Variants in DLG2 observed in about 807,000 individuals in gnomAD.
DLG2 encodes disks large homolog 2.
DLG2 carries 45 observed loss-of-function variants against 132.5 expected under a neutral mutation model. That is an observed-to-expected ratio of 0.34 (90% CI 0.27 to 0.44). The LOEUF (loss-of-function observed/expected upper bound fraction) is 0.44. Ranked by LOEUF, DLG2 falls within the 20% of genes least tolerant of loss-of-function variation. The probability of loss-of-function intolerance (pLI) is 1.00; values close to 1 mark genes in which losing one functional copy is unlikely to be tolerated. For synonymous variants in DLG2, 424 were observed against 419.6 expected, an observed-to-expected ratio of 1.01 and a Z score of -0.13; for missense variants, 1,045 against 1,196.9, an observed-to-expected ratio of 0.87 and a Z score of 1.87.
chr11:83,833,984 T>C (rs1459041274), intron 16 of DLG2, among the ~76,000 whole-genome samples: 2 of 152,226 alleles, frequency 1.3e-5, no homozygotes, highest in East Asian at 1.9e-4. Context: ...ATGCAAAAAA[T>C]CATTCCTTCA....
chr11:84,892,803 G>T (rs1417717771), intron 6 of DLG2, among the ~76,000 whole-genome samples: 1 of 151,750 alleles, frequency 6.6e-6, no homozygotes, highest in Non-Finnish European at 1.5e-5. Context: ...ATTCCCACAT[G>T]CCCTTTCTCC....
chr11:85,561,974 C>T (rs1027065266), intron 3 of DLG2, among the ~76,000 whole-genome samples: 16 of 151,760 alleles, frequency 1.1e-4, no homozygotes, highest in African/African-American at 3.1e-4. Flanking sequence ...AGAGTAAAGG[C>T]GCAAGGTTAC....
intron 4 of DLG2, among the ~76,000 whole-genome samples, chr11:85,219,135 C>A (rs577113365): frequency 6.6e-6 from 1 of 152,238 alleles, no homozygotes; most frequent in South Asian, 2.1e-4. Context: ...ATGCTCATTA[C>A]CTGGGTGATG....
intron 6 of DLG2, among the ~76,000 whole-genome samples, chr11:85,109,144 T>C (rs776464037): frequency 3.3e-5 from 5 of 152,050 alleles, no homozygotes; most frequent in Non-Finnish European, 4.4e-5. Flanking sequence ...GCTCACATAA[T>C]CTAAACATGA....
At chr11:83,819,469 C>CAAAAAAAAAAAAAAAAAAAAAAAAAA (rs398016925) in intron 17 of DLG2, among the ~76,000 whole-genome samples, 2 of 28,128 alleles carry the variant, frequency 7.1e-5, no homozygotes, top group Non-Finnish European at 1.2e-4. Context: ...GACTCTATCT[C>CAAAAAAAAAAAAAAAAAAAAAAAAAA]AAAAAAAAAA....
chr11:83,466,723 G>A lies in DLG2; in HGVS notation c.2714C>T (p.Ser905Phe). Residue 905 changes from serine (S) to phenylalanine (F), a missense_variant, in exon 26 of 28, where the codon TCT becomes TTT. Ser to Phe is a radical substitution (Grantham distance 155). Transcript: ENST00000376104. ...CTCTACTCACATAAGAGGTTCCAGA[G>A]ACCTGGGTTTTATGAAGATGGCAAT... ...YPIAIFIKPR[S>F]LEPLMEMNKR... 6.2e-7 allele frequency: 1 copy of A among 1,611,144 alleles called. No homozygotes were observed. The highest frequency in any genetic ancestry group is 1.1e-5 in the South Asian group (1 of 91,000).
At chr11:85,254,456 G>A (rs1021924186) in intron 4 of DLG2, among the ~76,000 whole-genome samples, 11 of 152,048 alleles carry the variant, frequency 7.2e-5, no homozygotes, top group African/African-American at 2.7e-4. Context: ...TTAACGATTT[G>A]CTTTTTCATT....
chr11:84,970,360 A>T (rs1177533187), intron 6 of DLG2, among the ~76,000 whole-genome samples: 1 of 152,114 alleles, frequency 6.6e-6, no homozygotes, highest in Non-Finnish European at 1.5e-5. Context: ...ATGCTCAAGG[A>T]TTCCATCTGC....
chr11:83,536,877 T>C (rs1175882800), intron 20 of DLG2, among the ~76,000 whole-genome samples: 2 of 152,186 alleles, frequency 1.3e-5, no homozygotes, highest in Non-Finnish European at 2.9e-5. Flanking sequence ...CACAACTTAC[T>C]TTCCCGGTAA....
At chr11:84,665,931 T>G (rs2099699321) in intron 6 of DLG2, among the ~76,000 whole-genome samples, 1 of 152,134 alleles carries the variant, frequency 6.6e-6, no homozygotes, top group Non-Finnish European at 1.5e-5. Flanking sequence ...CAGTTTTATT[T>G]TGTAACTGAG....
chr11:84,276,970 G>T (rs2097788982), intron 7 of DLG2, among the ~76,000 whole-genome samples: 1 of 152,132 alleles, frequency 6.6e-6, no homozygotes, highest in Admixed American at 6.5e-5. Context: ...AAACAAACAA[G>T]GTGGGCCCTG....
chr11:84,677,840 G>A (rs1163152107), intron 6 of DLG2, among the ~76,000 whole-genome samples: 2 of 152,070 alleles, frequency 1.3e-5, no homozygotes, highest in Non-Finnish European at 2.9e-5. Flanking sequence ...AGTGAACTAT[G>A]ACAGCCCTAC....
At chr11:83,516,894 G>A (rs1207683223) in intron 21 of DLG2, among the ~76,000 whole-genome samples, 2 of 148,700 alleles carry the variant, frequency 1.3e-5, no homozygotes, top group Non-Finnish European at 3.0e-5. Flanking sequence ...CGAGAGATCC[G>A]CTGTTAGTCT....
At chr11:85,467,204 T>G (rs999950979) in intron 3 of DLG2, among the ~76,000 whole-genome samples, 3 of 152,156 alleles carry the variant, frequency 2.0e-5, no homozygotes, top group African/African-American at 7.2e-5. Context: ...TTAAGGAGAT[T>G]TTGGGCTGAG....
chr11:84,143,048 C>A (rs2094922104), intron 9 of DLG2, among the ~76,000 whole-genome samples: 1 of 152,190 alleles, frequency 6.6e-6, no homozygotes, highest in East Asian at 1.9e-4. Flanking sequence ...TCTGGTAGGT[C>A]ATTGAGATTT....
chr11:84,420,267 C>A (rs954380420), intron 7 of DLG2, among the ~76,000 whole-genome samples: 1 of 152,196 alleles, frequency 6.6e-6, no homozygotes, highest in Non-Finnish European at 1.5e-5. Flanking sequence ...TGCAAGACTG[C>A]AAGAGCCGCA....
intron 8 of DLG2, among the ~76,000 whole-genome samples, chr11:84,196,656 A>G (rs1252450567): frequency 6.6e-6 from 1 of 152,214 alleles, no homozygotes; most frequent in African/African-American, 2.4e-5. Flanking sequence ...TGCCAGTATA[A>G]TTTACCTTAA....
chr11:84,714,724 C>CATTCTGTTCT (rs2061009872), intron 6 of DLG2, among the ~76,000 whole-genome samples: 1 of 148,866 alleles, frequency 6.7e-6, no homozygotes, highest in South Asian at 2.2e-4. Context: ...CCCTTCCTAT[C>CATTCTGTTCT]ATTCTGTTCT....
At chr11:84,065,720 T>C (rs1163141612) in intron 10 of DLG2, among the ~76,000 whole-genome samples, 1 of 152,204 alleles carries the variant, frequency 6.6e-6, no homozygotes, top group East Asian at 1.9e-4. Flanking sequence ...TTGGGTATTA[T>C]ATCCAAAGCA....
Sources: gnomAD v4.1 joint callset for allele counts (sites outside exome capture counted in the v4.1 genomes callset) on GRCh38, gnomAD v4.1.1 for gene constraint, MANE v1.5 for transcripts, NCBI Gene and HGNC (gene_info 2026-07-23, HGNC 2026-07-21) for gene names.